NAA16: variants seen among roughly 807,000 people sequenced by gnomAD.
NAA16 encodes the protein N-alpha-acetyltransferase 16, NatA auxiliary subunit.
Under a neutral mutation model 110.3 loss-of-function variants are expected in NAA16, and 97 were observed. The observed-to-expected ratio is 0.88, with a 90% CI of 0.75 to 1.04. The LOEUF (loss-of-function observed/expected upper bound fraction) is 1.04, where lower values mean the gene tolerates loss of function less well. Among genes scored for constraint, NAA16 ranks in the 50% least tolerant of loss-of-function variants. The probability of loss-of-function intolerance (pLI) is 0.00; values close to 1 mark genes in which losing one functional copy is unlikely to be tolerated. For missense variants in NAA16, 1,017 were observed against 1,005.1 expected, an observed-to-expected ratio of 1.01 and a Z score of -0.16; for synonymous variants, 372 against 330.6, an observed-to-expected ratio of 1.13 and a Z score of -1.36.
At chr13:41,335,713 A>G (rs1169748009) in intron 8 of NAA16, among the ~76,000 whole-genome samples, 1 of 152,164 alleles carries the variant, frequency 6.6e-6, no homozygotes, top group Non-Finnish European at 1.5e-5. Flanking sequence ...GTATGCATGC[A>G]TGTTTTGTTC....
intron 13 of NAA16, among the ~76,000 whole-genome samples, chr13:41,364,126 C>A (rs2043165582): frequency 6.6e-6 from 1 of 152,002 alleles, no homozygotes; most frequent in South Asian, 2.1e-4. Context: ...ACATGAGTTA[C>A]CTTATGCCTG....
At chr13:41,375,109 G>A (rs977560043) in intron 19 of NAA16, among the ~76,000 whole-genome samples, 2 of 152,224 alleles carry the variant, frequency 1.3e-5, no homozygotes, top group Non-Finnish European at 2.9e-5. Flanking sequence ...TGCCTGGCAC[G>A]TTGTTAAGTA....
At position 41,368,845 on chromosome 13, in the gene NAA16, A is replaced by ATTT. The variant is rs1219097471; in HGVS notation, c.1754-245_1754-244insTTT. ...GTCATTATATGCAACTTAAAGCAAA[A>ATTT]GGAAGGTGAAAGATTTAAAGCTGAT... On this transcript the variant is annotated intron_variant, in intron 14 of 19. Transcript: ENST00000379406. Among the ~76,000 whole-genome samples, 5 of 152,226 alleles carry ATTT rather than the reference A, an allele frequency of 3.3e-5. No individual in the cohort carries two copies. The East Asian group carries it at 9.6e-4, about 29-fold the overall frequency.
At chr13:41,360,170 T>C (rs2043083765) in intron 12 of NAA16, among the ~76,000 whole-genome samples, 1 of 152,144 alleles carries the variant, frequency 6.6e-6, no homozygotes, top group African/African-American at 2.4e-5. Context: ...TAAAATGCAA[T>C]TAAATATGAA....
At chr13:41,365,053 T>C (rs546533357) in intron 13 of NAA16, among the ~76,000 whole-genome samples, 1 of 152,302 alleles carries the variant, frequency 6.6e-6, no homozygotes, top group East Asian at 1.9e-4. Flanking sequence ...GTTAAGGGCA[T>C]GAGCTGTATG....
At chr13:41,321,501 T>C (rs1339062979) in intron 4 of NAA16, among the ~76,000 whole-genome samples, 5 of 152,228 alleles carry the variant, frequency 3.3e-5, no homozygotes, top group African/African-American at 4.8e-5. Context: ...GGAATATCTA[T>C]GTGCAGCTGC....
At chr13:41,331,743 T>C (rs1021628706) in intron 8 of NAA16, among the ~76,000 whole-genome samples, 1 of 151,994 alleles carries the variant, frequency 6.6e-6, no homozygotes, top group Non-Finnish European at 1.5e-5. Flanking sequence ...GTAAGGGGAC[T>C]GTAGTTAACA....
intron 4 of NAA16, among the ~76,000 whole-genome samples, chr13:41,321,559 A>AT (rs982997137): frequency 6.6e-6 from 1 of 152,242 alleles, no homozygotes; most frequent in African/African-American, 2.4e-5. Context: ...TGATAAACTA[A>AT]TAAGGCTTTT....
intron 9 of NAA16, among the ~76,000 whole-genome samples, chr13:41,343,292 ATTG>A (rs2042600693): frequency 6.6e-6 from 1 of 151,934 alleles, no homozygotes; most frequent in Admixed American, 6.6e-5. Context: ...GTCTTGCTGT[ATTG>A]TTCACGCTGA....
intron 9 of NAA16, among the ~76,000 whole-genome samples, chr13:41,341,794 C>G (rs1333278089): frequency 2.6e-5 from 4 of 151,922 alleles, no homozygotes; most frequent in Non-Finnish European, 5.9e-5. Context: ...TTTCATCTGT[C>G]ACTTTGTATT....
chr13:41,344,344 G>T (rs9566750), intron 9 of NAA16, among the ~76,000 whole-genome samples: 21 of 152,164 alleles, frequency 1.4e-4, no homozygotes, highest in African/African-American at 5.1e-4. Flanking sequence ...ACCAGATTTG[G>T]TGATTTTTAT....
rs182106797 is a variant in NAA16, at chr13:41,318,421, C to T, written c.140-385C>T. Among the ~76,000 whole-genome samples the T allele has an allele frequency of 1.0e-3, 157 of 152,150 alleles. No individual in the cohort carries two copies. The East Asian group carries it at 0.026, about 25-fold the overall frequency. ...TTTGCTGTGTTGGCCAGGCTGGTCT[C>T]GAACTCTTGACCTCAGATGATCCAC... On this transcript the variant is annotated intron_variant, in intron 2 of 19. Coordinates refer to ENST00000379406, the MANE Select transcript of NAA16 (RefSeq NM_024561.5).
chr13:41,375,791 G>A lies in NAA16; in HGVS notation c.*189G>A, dbSNP rs1201517009. ...ACATAACCATCTGTTAAAATTACCT[G>A]TTTATTCTTACACAGTTTTGTGGTA... On this transcript the variant is annotated 3_prime_UTR_variant, in exon 20 of 20. Coordinates refer to ENST00000379406, the MANE Select transcript of NAA16 (RefSeq NM_024561.5). The A allele has an allele frequency of 2.0e-5, 10 of 492,158 alleles. 1 individual carries two copies. The highest frequency in any genetic ancestry group is 3.2e-5 in the Non-Finnish European group (9 of 281,000). The allele number at this position is 492,158 out of a possible 1,614,324, so 30.5% of individuals were successfully genotyped here. A position where few individuals can be genotyped will look rare whatever the true frequency, so the allele number is the denominator to read the frequency against.
At chr13:41,318,779 A>G (rs1310613957) in intron 2 of NAA16, 27 bp from the exon 3 acceptor site, 2 of 1,309,194 alleles carry the variant, frequency 1.5e-6, no homozygotes, top group South Asian at 1.4e-5. Context: ...TGTCATTTGT[A>G]AATAGAGTTT....
At chr13:41,371,075 C>A (rs192011020) in intron 15 of NAA16, among the ~76,000 whole-genome samples, 2 of 152,178 alleles carry the variant, frequency 1.3e-5, no homozygotes, top group Non-Finnish European at 2.9e-5. Flanking sequence ...TGGAGAATGG[C>A]GGTAAAGGGC....
chr13:41,373,241 G>GT (rs1360631161), intron 17 of NAA16: 2 of 789,850 alleles, frequency 2.5e-6, no homozygotes, highest in Non-Finnish European at 3.1e-6. Context: ...AATAATAAAG[G>GT]TTTTTTGTTG....
At chr13:41,332,048 T>C (rs1355670760) in intron 8 of NAA16, among the ~76,000 whole-genome samples, 1 of 152,108 alleles carries the variant, frequency 6.6e-6, no homozygotes, top group Non-Finnish European at 1.5e-5. Context: ...GTAAAAGTTT[T>C]GAAGTTTTTG....
chr13:41,340,902 C>T (rs1054224560), intron 9 of NAA16, among the ~76,000 whole-genome samples: 2 of 151,758 alleles, frequency 1.3e-5, no homozygotes, highest in African/African-American at 2.4e-5. Context: ...CTCCTGACCT[C>T]GTGATACACC....
At chr13:41,325,607 G>C in intron 5 of NAA16, 91 bp from the exon 6 acceptor site, 1 of 737,634 alleles carries the variant, frequency 1.4e-6, no homozygotes, top group Non-Finnish European at 2.0e-6. Context: ...TTGTTTATGT[G>C]AATGACTCTC....
Sources: gnomAD v4.1 joint callset for allele counts (sites outside exome capture counted in the v4.1 genomes callset) on GRCh38, gnomAD v4.1.1 for gene constraint, MANE v1.5 for transcripts, NCBI Gene and HGNC (gene_info 2026-07-23, HGNC 2026-07-21) for gene names.